Variants in RAD18 observed in about 807,000 individuals in gnomAD.
RAD18 encodes the protein RAD18 E3 ubiquitin protein ligase.
In RAD18, 47 loss-of-function variants were observed where a neutral mutation model predicts 60.4. That is an observed-to-expected ratio of 0.78 (90% CI 0.62 to 0.99). The LOEUF (loss-of-function observed/expected upper bound fraction) is 0.99, where lower values mean the gene tolerates loss of function less well. RAD18 is among the 50% of genes least tolerant of loss of function. The probability of loss-of-function intolerance (pLI) is 0.00; values close to 1 mark genes in which losing one functional copy is unlikely to be tolerated. For missense variants in RAD18, 640 were observed against 593.3 expected, an observed-to-expected ratio of 1.08 and a Z score of -0.82; for synonymous variants, 225 against 195.5, an observed-to-expected ratio of 1.15 and a Z score of -1.26.
chr3:8,915,662 C>A (rs1321506124), intron 7 of RAD18, among the ~76,000 whole-genome samples: 1 of 151,344 alleles, frequency 6.6e-6, no homozygotes, highest in Non-Finnish European at 1.5e-5. Context: ...CGGCTCACTG[C>A]AAGCTCTGCC....
At chr3:8,882,510 G>GCCTA (rs1939485339) in intron 12 of RAD18, among the ~76,000 whole-genome samples, 1 of 152,116 alleles carries the variant, frequency 6.6e-6, no homozygotes, top group Admixed American at 6.6e-5. Context: ...GGCACACAGG[G>GCCTA]CCTACCTAAG....
chr3:8,930,919 T>C (rs567378283), intron 7 of RAD18, among the ~76,000 whole-genome samples: 5 of 152,216 alleles, frequency 3.3e-5, no homozygotes, highest in East Asian at 1.9e-4. Flanking sequence ...AGAGATCCTT[T>C]CTTAAGAAAT....
intron 5 of RAD18, among the ~76,000 whole-genome samples, chr3:8,941,144 T>G (rs149324976): frequency 9.9e-5 from 15 of 152,218 alleles, no homozygotes; most frequent in South Asian, 2.1e-4. Flanking sequence ...TAAAATAAGA[T>G]AAAAAGAGCT....
chr3:8,887,298 GGA>G (rs1393033280), intron 12 of RAD18, among the ~76,000 whole-genome samples: 1 of 152,180 alleles, frequency 6.6e-6, no homozygotes, highest in Non-Finnish European at 1.5e-5. Context: ...GAGTGGTAAG[GGA>G]GAGTGAGAAG....
At chr3:8,898,335 C>G (rs1665215661) in intron 11 of RAD18, among the ~76,000 whole-genome samples, 6 of 151,710 alleles carry the variant, frequency 4.0e-5, no homozygotes, top group Admixed American at 3.9e-4. Context: ...TATGACATAA[C>G]ATTAAGTGAA....
At chr3:8,898,318 TA>T (rs1175592121) in intron 11 of RAD18, among the ~76,000 whole-genome samples, 2 of 152,036 alleles carry the variant, frequency 1.3e-5, no homozygotes, top group Non-Finnish European at 2.9e-5. Context: ...TATAGAAACG[TA>T]ACATTTATGA....
intron 1 of RAD18, among the ~76,000 whole-genome samples, chr3:8,962,896 G>C (rs776081352): frequency 6.6e-6 from 1 of 152,154 alleles, no homozygotes; most frequent in Non-Finnish European, 1.5e-5. Flanking sequence ...CAGAAGAAAT[G>C]AAAGAGCCTG....
At chr3:8,907,791 C>A (rs370708016) in intron 9 of RAD18, among the ~76,000 whole-genome samples, 1 of 145,424 alleles carries the variant, frequency 6.9e-6, no homozygotes, top group African/African-American at 2.5e-5. Flanking sequence ...TACCCACTAT[C>A]GGTTTGTGCA....
At chr3:8,957,952 T>C (rs1434558290) in intron 2 of RAD18, among the ~76,000 whole-genome samples, 12 of 152,360 alleles carry the variant, frequency 7.9e-5, no homozygotes, top group Admixed American at 2.0e-4. Flanking sequence ...TTAAAATATA[T>C]TTTAAAACAA....
intron 11 of RAD18, among the ~76,000 whole-genome samples, chr3:8,891,857 G>C (rs549609250): frequency 6.6e-6 from 1 of 152,166 alleles, no homozygotes; most frequent in East Asian, 1.9e-4. Context: ...TAAAATACCA[G>C]ACAGAACTGC....
chr3:8,936,829 A>C (rs77214888), intron 6 of RAD18, among the ~76,000 whole-genome samples: 1 of 152,190 alleles, frequency 6.6e-6, no homozygotes, highest in Non-Finnish European at 1.5e-5. Flanking sequence ...CCATCCACCA[A>C]TTAGGGTTCA....
rs1963640 is a variant in RAD18, at chr3:8,959,988, G to A, written c.52-987C>T. Reference sequence around the variant, plus strand: ...ATAGACAGTACATATACTATGCTACGGTTTGTTTAAAAGGAAGAGGTGAGT... The same window carrying A: ...ATAGACAGTACATATACTATGCTACAGTTTGTTTAAAAGGAAGAGGTGAGT... On this transcript the variant is annotated intron_variant, in intron 1 of 12. Transcript: ENST00000264926. 4.7e-4 allele frequency among the ~76,000 whole-genome samples: 72 copies of A among 152,092 alleles called. No homozygotes were observed. In the South Asian group the frequency reaches 0.015, roughly 31 times the overall value.
At chr3:8,882,253 TG>T (rs1939478057) in intron 12 of RAD18, among the ~76,000 whole-genome samples, 1 of 152,168 alleles carries the variant, frequency 6.6e-6, no homozygotes, top group South Asian at 2.1e-4. Flanking sequence ...CTATGGCCTC[TG>T]GGGAAGGAAC....
At chr3:8,947,175 A>G in intron 4 of RAD18, 45 bp downstream of exon 4, 9 of 1,446,750 alleles carry the variant, frequency 6.2e-6, no homozygotes, top group Non-Finnish European at 5.8e-6. Flanking sequence ...GAACACATAT[A>G]AAAGGCAAAA....
chr3:8,893,021 A>G (rs1283749334), intron 11 of RAD18, among the ~76,000 whole-genome samples: 2 of 152,252 alleles, frequency 1.3e-5, no homozygotes, highest in Non-Finnish European at 2.9e-5. Context: ...AGAGCTTGGT[A>G]CGCAGTAAAT....
At chr3:8,928,516 T>G (rs1940489586) in intron 7 of RAD18, among the ~76,000 whole-genome samples, 1 of 152,152 alleles carries the variant, frequency 6.6e-6, no homozygotes, top group Non-Finnish European at 1.5e-5. Flanking sequence ...AGATAGATTT[T>G]TGAGGCAAGG....
rs1255046146 is a variant in RAD18, at chr3:8,878,475, T to C, written c.*2882A>G. 3 of 152,214 alleles carry C rather than the reference T, an allele frequency of 2.0e-5. No homozygotes were observed. Among genetic ancestry groups the C allele is most frequent in the African/African-American group, 4.8e-5 (2 of 41,456 alleles). 9.4% of individuals were successfully genotyped at this position (152,214 alleles called of 1,614,324 possible). A position where few individuals can be genotyped will look rare whatever the true frequency, so the allele number is the denominator to read the frequency against. The stretch of plus-strand genomic sequence containing the variant: ...ACAGAAGTGTTTCTCATTTGAATAA[T>C]TGCTACTTTCTTTTATCGGATGCTA... On this transcript the variant is annotated 3_prime_UTR_variant, in exon 13 of 13. Coordinates refer to ENST00000264926, the MANE Select transcript of RAD18 (RefSeq NM_020165.4).
At chr3:8,920,981 A>G (rs1025797630) in intron 7 of RAD18, among the ~76,000 whole-genome samples, 2 of 152,260 alleles carry the variant, frequency 1.3e-5, no homozygotes, top group Non-Finnish European at 2.9e-5. Flanking sequence ...ACAAGTACTA[A>G]CTACAGTGGC....
intron 7 of RAD18, 58 bp downstream of exon 7, chr3:8,935,813 G>C (rs1250806526): frequency 7.4e-7 from 1 of 1,346,864 alleles, no homozygotes; most frequent in Non-Finnish European, 1.0e-6. Flanking sequence ...TAATTTCTGA[G>C]CTACACAAAA....
Sources: allele counts gnomAD v4.1 joint callset (sites outside exome capture counted in the v4.1 genomes callset), GRCh38; gene constraint gnomAD v4.1.1; transcripts MANE v1.5; gene names NCBI Gene and HGNC (gene_info 2026-07-23, HGNC 2026-07-21).